SLC71A2: variants seen among roughly 807,000 people sequenced by gnomAD.
SLC71A2 encodes solute carrier family 71 member 2.
the SLC71A2 span, among the ~76,000 whole-genome samples, chr9:94,389,206 T>C: frequency 1.3e-5 from 2 of 151,648 alleles, no homozygotes; most frequent in Admixed American, 1.3e-4. Context: ...CCATATTATG[T>C]GTGCTCTTCA....
At chr9:94,407,906 C>G in the SLC71A2 span, among the ~76,000 whole-genome samples, 1 of 152,158 alleles carries the variant, frequency 6.6e-6, no homozygotes, top group Admixed American at 6.5e-5. Flanking sequence ...TCATCTTGCT[C>G]CATTCCTTCG....
At chr9:94,414,978 C>T in the SLC71A2 span, among the ~76,000 whole-genome samples, 2 of 152,092 alleles carry the variant, frequency 1.3e-5, no homozygotes, top group East Asian at 1.9e-4. Flanking sequence ...AATCTTAGCA[C>T]CTTCCCTTAT....
At chr9:94,445,275 G>GCCTCAAGGATCC in the SLC71A2 span, 1 of 1,001,570 alleles carries the variant, frequency 1.0e-6, no homozygotes, top group Non-Finnish European at 1.5e-6. Context: ...GATCCTAGCA[G>GCCTCAAGGATCC]TTGTTGACTT....
the SLC71A2 span, among the ~76,000 whole-genome samples, chr9:94,381,840 A>G: frequency 6.6e-6 from 1 of 152,158 alleles, no homozygotes; most frequent in Admixed American, 6.6e-5. Context: ...TTGCCAAACT[A>G]ATTATTTTAA....
chr9:94,419,304 T>TC, the SLC71A2 span, among the ~76,000 whole-genome samples: 46 of 150,508 alleles, frequency 3.1e-4, no homozygotes, highest in Non-Finnish European at 6.1e-4. Context: ...TTTTCTTTTT[T>TC]TTTTTTTTTT....
At chr9:94,395,673 A>C in the SLC71A2 span, among the ~76,000 whole-genome samples, 1 of 152,096 alleles carries the variant, frequency 6.6e-6, no homozygotes, top group Non-Finnish European at 1.5e-5. Context: ...AGAGTGAAAA[A>C]CCGTTCACAA....
the SLC71A2 span, among the ~76,000 whole-genome samples, chr9:94,437,432 G>C: frequency 6.6e-6 from 1 of 151,450 alleles, no homozygotes; most frequent in Non-Finnish European, 1.5e-5. Flanking sequence ...GGCAAGCAGT[G>C]AATGTGAGTT....
chr9:94,392,524 C>T, the SLC71A2 span, among the ~76,000 whole-genome samples: 118 of 150,938 alleles, frequency 7.8e-4, no homozygotes, highest in Non-Finnish European at 1.5e-3. Context: ...TTTTTTGAGA[C>T]GGAGTCTCAC....
chr9:94,422,212 G>C, the SLC71A2 span, among the ~76,000 whole-genome samples: 2 of 152,182 alleles, frequency 1.3e-5, no homozygotes, highest in Admixed American at 1.3e-4. Flanking sequence ...TGCTTTATGT[G>C]TGACTCCACT....
the SLC71A2 span, among the ~76,000 whole-genome samples, chr9:94,408,231 G>T: frequency 3.9e-5 from 6 of 152,158 alleles, no homozygotes; most frequent in African/African-American, 1.4e-4. Context: ...GCCCATCGTA[G>T]GTTGAATATA....
chr9:94,445,642 A>G, the SLC71A2 span, among the ~76,000 whole-genome samples: 104 of 150,942 alleles, frequency 6.9e-4, no homozygotes, highest in African/African-American at 2.5e-3. Context: ...CTCCCTCTCT[A>G]CCTCCCTCCC....
the SLC71A2 span, among the ~76,000 whole-genome samples, chr9:94,407,447 C>T: frequency 2.0e-5 from 3 of 150,702 alleles, no homozygotes; most frequent in Admixed American, 1.3e-4. Flanking sequence ...GGCATGATCT[C>T]AGCTCACTGC....
chr9:94,455,378 A>ATTTTTTTT, the SLC71A2 span, among the ~76,000 whole-genome samples: 38 of 85,780 alleles, frequency 4.4e-4, 2 homozygotes, highest in Admixed American at 1.6e-3. Context: ...TAATATTCTG[A>ATTTTTTTT]TTTTTTTTTT....
the SLC71A2 span, among the ~76,000 whole-genome samples, chr9:94,404,080 C>T: frequency 6.6e-6 from 1 of 152,136 alleles, no homozygotes; most frequent in African/African-American, 2.4e-5. Context: ...AGACTGTCCA[C>T]CCCAGATGCT....
the SLC71A2 span, among the ~76,000 whole-genome samples, chr9:94,445,386 CG>C: frequency 6.6e-6 from 1 of 151,776 alleles, no homozygotes; most frequent in Admixed American, 6.6e-5. Flanking sequence ...ATGTCATAAA[CG>C]AAGAGAGAGA....
chr9:94,396,574 A>G, the SLC71A2 span, among the ~76,000 whole-genome samples: 1 of 152,134 alleles, frequency 6.6e-6, no homozygotes, highest in Admixed American at 6.5e-5. Flanking sequence ...CTTTTTTTGT[A>G]AAGGACCTGG....
the SLC71A2 span, among the ~76,000 whole-genome samples, chr9:94,379,537 G>A: frequency 4.7e-5 from 7 of 149,878 alleles, no homozygotes; most frequent in Non-Finnish European, 7.4e-5. Flanking sequence ...CTATAGGCAC[G>A]TGGCACTATG....
the SLC71A2 span, among the ~76,000 whole-genome samples, chr9:94,381,427 T>C: frequency 6.7e-6 from 1 of 150,170 alleles, no homozygotes; most frequent in South Asian, 2.1e-4. Flanking sequence ...GCATAAATTA[T>C]TTTGAGATTT....
chr9:94,431,446 T>G, the SLC71A2 span, among the ~76,000 whole-genome samples: 1 of 151,746 alleles, frequency 6.6e-6, no homozygotes, highest in African/African-American at 2.4e-5. Flanking sequence ...ATTATTTGCC[T>G]GTTTTCAAAA....
Sources: allele counts gnomAD v4.1 joint callset (sites outside exome capture counted in the v4.1 genomes callset), GRCh38; gene constraint gnomAD v4.1.1; transcripts MANE v1.5; gene names NCBI Gene and HGNC (gene_info 2026-07-23, HGNC 2026-07-21).